EPRS1: variants seen among roughly 807,000 people sequenced by gnomAD.
EPRS1 encodes glutamyl-prolyl-tRNA synthetase 1.
In EPRS1, 107 loss-of-function variants were observed where a neutral mutation model predicts 188.3. The ratio of observed to expected loss-of-function variants is 0.57; its 90% CI spans 0.49 to 0.67. The LOEUF is 0.67. Ranked by LOEUF, EPRS1 falls within the 30% of genes least tolerant of loss-of-function variation. The probability of loss-of-function intolerance (pLI) is 0.00; values close to 1 mark genes in which losing one functional copy is unlikely to be tolerated. For synonymous variants in EPRS1, 596 were observed against 593.1 expected, an observed-to-expected ratio of 1.00 and a Z score of -0.07; for missense variants, 1,577 against 1,802.2, an observed-to-expected ratio of 0.88 and a Z score of 2.26.
intron 29 of EPRS1, among the ~76,000 whole-genome samples, 162 bp downstream of exon 29, chr1:219,973,076 A>T (rs1660699853): frequency 6.6e-6 from 1 of 152,130 alleles, no homozygotes; most frequent in Non-Finnish European, 1.5e-5. Flanking sequence ...AATAACCATA[A>T]TACAAGTAAA....
In EPRS1 at chr1:219,997,559, A is replaced by C. The variant is rs1054556865; in HGVS notation, c.2182-217T>G. On this transcript the variant is annotated intron_variant, in intron 17 of 31. Transcript: ENST00000366923. Reference sequence around the variant, plus strand: ...GATAGAGGTACCTACATACTCACTGAAGCATTTTTACTATAGTAAAAACCT... The same window carrying C: ...GATAGAGGTACCTACATACTCACTGCAGCATTTTTACTATAGTAAAAACCT... Among the ~76,000 whole-genome samples the C allele has an allele frequency of 3.3e-5, 5 of 152,172 alleles. 1 individual carries two copies. Among genetic ancestry groups the C allele is most frequent in the Admixed American group, 3.3e-4 (5 of 15,276 alleles).
intron 2 of EPRS1, among the ~76,000 whole-genome samples, chr1:220,036,792 A>G (rs1226640838): frequency 6.6e-6 from 1 of 152,216 alleles, no homozygotes; most frequent in Non-Finnish European, 1.5e-5. Flanking sequence ...GTTTATCTAC[A>G]TAACAAACCT....
In EPRS1 at chr1:219,978,694, G is replaced by A; in HGVS notation, c.3935C>T (p.Thr1312Ile). Residue 1312 changes from threonine (T) to isoleucine (I), a missense_variant, in exon 28 of 32, where the codon ACC (threonine) becomes ATC (isoleucine). This residue lies in a region of EPRS1 where 296 missense variants were observed against 327.9 expected (regional missense o/e 0.90). Transcript: ENST00000366923. Reference protein sequence around the residue: ...VQVVIIPCGITNALSEEDKEA... With the variant: ...VQVVIIPCGIINALSEEDKEA... ...TTTGTCTTCTTCAGAAAGTGCATTG[G>A]TAATGCCACAAGGAATAATCACCAC... is the stretch of plus-strand genomic sequence containing the variant. 6.2e-7 allele frequency: 1 copy of A among 1,610,948 alleles called. No individual in the cohort carries two copies. Among genetic ancestry groups the A allele is most frequent in the South Asian group, 1.1e-5 (1 of 90,558 alleles).
chr1:219,973,235 T>G lies in EPRS1; in HGVS notation c.4244+3A>C, dbSNP rs765140380. The G allele has an allele frequency of 2.4e-5, 38 of 1,610,714 alleles. No homozygotes were observed. In the Admixed American group the frequency reaches 6.4e-4, roughly 27 times the overall value. On this transcript the variant is annotated splice_donor_region_variant and intron_variant, in intron 29 of 31. Coordinates refer to ENST00000366923, the MANE Select transcript of EPRS1 (RefSeq NM_004446.3). ...AGAGACATAAGCAATTTTAAGAAAC[T>G]ACCTTGTGAAAAGGGTGACCTGGAT...
At chr1:219,986,543 G>A (rs1661009456) in intron 20 of EPRS1, among the ~76,000 whole-genome samples, 1 of 152,226 alleles carries the variant, frequency 6.6e-6, no homozygotes, top group African/African-American at 2.4e-5. Flanking sequence ...ACATCATTAT[G>A]TGGTGTATGA....
intron 26 of EPRS1, 27 bp downstream of exon 26, chr1:219,980,058 T>C: frequency 6.2e-7 from 1 of 1,606,442 alleles, no homozygotes. Context: ...TACAGTGACC[T>C]ACGAATCCTG....
At chr1:220,037,526 T>C in intron 2 of EPRS1, among the ~76,000 whole-genome samples, 1 of 117,176 alleles carries the variant, frequency 8.5e-6, no homozygotes, top group South Asian at 2.7e-4. Flanking sequence ...AAAAAAAAAA[T>C]AGAAAGATGG....
At chr1:219,969,299 G>T in intron 30 of EPRS1, 177 bp from the exon 31 acceptor site, 1 of 593,926 alleles carries the variant, frequency 1.7e-6, no homozygotes, top group Non-Finnish European at 3.0e-6. Flanking sequence ...ATAAAAGATA[G>T]GAAAGAATGT....
chr1:220,003,011 A>T (rs1661390034), intron 16 of EPRS1, among the ~76,000 whole-genome samples: 2 of 152,192 alleles, frequency 1.3e-5, no homozygotes, highest in African/African-American at 2.4e-5. Context: ...GAATTGATGG[A>T]TCAAATGGTA....
At chr1:220,037,631 A>G (rs947110538) in intron 2 of EPRS1, among the ~76,000 whole-genome samples, 4 of 152,142 alleles carry the variant, frequency 2.6e-5, no homozygotes, top group African/African-American at 9.7e-5. Flanking sequence ...CAAAGAAAAA[A>G]TGTTTTCAAT....
chr1:219,986,763 AAGG>A (rs1052978124), intron 20 of EPRS1, among the ~76,000 whole-genome samples: 24 of 148,314 alleles, frequency 1.6e-4, no homozygotes, highest in Middle Eastern at 6.8e-3. Flanking sequence ...CATGTTTAAA[AAGG>A]AGGAGAGAAA....
chr1:219,988,714 T>C lies in EPRS1; in HGVS notation c.2651A>G (p.Asp884Gly). Residue 884 changes from aspartate (D) to glycine (G), a missense_variant, in exon 19 of 32, where the codon GAT (aspartate) becomes GGT (glycine). Physicochemically the swap from Asp to Gly is moderately conservative, Grantham distance 94. Around this residue, in one of 3 missense-constraint regions of EPRS1, gnomAD observed 1,278 missense variants for 1,457.4 expected, o/e 0.88. Coordinates refer to ENST00000366923, the MANE Select transcript of EPRS1 (RefSeq NM_004446.3). The part of the protein sequence containing the change: ...PGQPPLSQSS[D>G]SSPTRNSEPA... Reference sequence around the variant, plus strand: ...TTCAGAATTTCTGGTTGGGCTTGAATCCGAACTTTGAGATAATGGGGGCTG... The same window carrying C: ...TTCAGAATTTCTGGTTGGGCTTGAACCCGAACTTTGAGATAATGGGGGCTG... The C allele has an allele frequency of 1.2e-6, 2 of 1,613,980 alleles. No individual in the cohort carries two copies.
rs111942926 is a variant in EPRS1 at position 219,987,519 on chromosome 1, G to A, written c.2776-115C>T. On this transcript the variant is annotated intron_variant, in intron 19 of 31. Coordinates refer to ENST00000366923, the MANE Select transcript of EPRS1 (RefSeq NM_004446.3). ...TTTCTTTTTTCCGCCAATATCACAC[G>A]GGGAATGTGCCCAGGTGGTGATAAG... is the stretch of plus-strand genomic sequence containing the variant. The A allele has an allele frequency of 1.0e-4, 89 of 850,202 alleles. 3 individuals carry two copies. The South Asian group carries it at 1.1e-3, about 11-fold the overall frequency. The allele number at this position is 850,202 out of a possible 1,614,324, so 52.7% of individuals were successfully genotyped here.
Position 219,981,397 on chromosome 1 carries a change from T to G in EPRS1, c.3434A>C (p.Asn1145Thr), listed in dbSNP as rs1003101121. 6.2e-7 allele frequency: 1 copy of G among 1,608,350 alleles called. No individual in the cohort carries two copies. The highest frequency in any genetic ancestry group is 1.3e-5 in the African/African-American group (1 of 74,662). The change falls in exon 24 of 32, where the codon AAT becomes ACT. Residue 1145 changes from asparagine (N) to threonine (T), a missense_variant. Physicochemically the swap from Asn to Thr is moderately conservative, Grantham distance 65. This residue lies in a region of EPRS1 where 1,278 missense variants were observed against 1,457.4 expected (regional missense o/e 0.88). Coordinates refer to ENST00000366923, the MANE Select transcript of EPRS1 (RefSeq NM_004446.3). ...QSHRDLPIKL[N>T]QWCNVVRWEF... ...ACCTACCACCACATTGCACCACTGA[T>G]TGAGCTTGATGGGCAGGTCTCTGTG... is the stretch of plus-strand genomic sequence containing the variant.
At chr1:219,978,788 C>T (rs1352927230) in intron 27 of EPRS1, 69 bp from the exon 28 acceptor site, 5 of 1,160,586 alleles carry the variant, frequency 4.3e-6, no homozygotes, top group East Asian at 5.1e-5. Flanking sequence ...TCTCAGAAGT[C>T]GAAACCTACC....
At chr1:220,018,942 T>C (rs1470722823) in intron 11 of EPRS1, 53 bp downstream of exon 11, 3 of 1,152,020 alleles carry the variant, frequency 2.6e-6, no homozygotes, top group Non-Finnish European at 3.9e-6. Flanking sequence ...GGGACAGTAA[T>C]AGAAGTACCT....
intron 12 of EPRS1, among the ~76,000 whole-genome samples, chr1:220,016,251 G>A (rs1661708342): frequency 6.6e-6 from 1 of 151,848 alleles, no homozygotes; most frequent in African/African-American, 2.4e-5. Flanking sequence ...GGCTAAGGCA[G>A]GAGAATCATT....
At chr1:219,983,783 C>T (rs1311708381) in intron 21 of EPRS1, among the ~76,000 whole-genome samples, 1 of 151,528 alleles carries the variant, frequency 6.6e-6, no homozygotes, top group East Asian at 1.9e-4. Context: ...GTCCCAGGTA[C>T]TCGGGAGGCT....
rs778344750 is a variant in EPRS1, at chr1:220,046,425, G to A, written c.-37C>T. ...CGCTGGTCCACCTGTCAGTACGCCT[G>A]GCTCGTGCCAGAACTACGGAGGACC... On this transcript the variant is annotated 5_prime_UTR_variant, in exon 1 of 32. Coordinates refer to ENST00000366923, the MANE Select transcript of EPRS1 (RefSeq NM_004446.3). 5.6e-6 allele frequency: 9 copies of A among 1,613,142 alleles called. No individual in the cohort carries two copies. Among genetic ancestry groups the A allele is most frequent in the African/African-American group, 4.0e-5 (3 of 74,910 alleles).
Sources: gnomAD v4.1 joint callset for allele counts (sites outside exome capture counted in the v4.1 genomes callset) on GRCh38, gnomAD v4.1.1 for gene constraint, gnomAD v4.1.1 regional missense constraint, MANE v1.5 for transcripts, NCBI Gene and HGNC (gene_info 2026-07-23, HGNC 2026-07-21) for gene names.